Variants in MLPH observed in about 807,000 individuals in gnomAD.
MLPH encodes exophilin-3.
MLPH carries 51 observed loss-of-function variants against 72.1 expected under a neutral mutation model. The ratio of observed to expected loss-of-function variants is 0.71; its 90% CI spans 0.56 to 0.89. MLPH has a LOEUF of 0.89. MLPH is among the 40% of genes least tolerant of loss of function. The pLI is 0.00. For missense variants in MLPH, 743 were observed against 759.9 expected (o/e 0.98, Z 0.26); for synonymous variants, 301 against 310.1 (o/e 0.97, Z 0.31).
At chr2:237,497,864 G>A (rs753908649) in intron 2 of MLPH, among the ~76,000 whole-genome samples, 25 of 152,158 alleles carry the variant, frequency 1.6e-4, no homozygotes, top group Non-Finnish European at 3.4e-4. Flanking sequence ...CCCGGTCACC[G>A]AGTCTTAAAT....
rs147793341 is a variant in MLPH at position 237,511,818 on chromosome 2, G to A, written c.445+717G>A. Among the ~76,000 whole-genome samples the A allele has an allele frequency of 4.5e-4, 68 of 152,306 alleles. 1 individual carries two copies. In the South Asian group the frequency reaches 0.013, roughly 29 times the overall value. On this transcript the variant is annotated intron_variant, in intron 4 of 15. Coordinates refer to ENST00000264605, the MANE Select transcript of MLPH (RefSeq NM_024101.7). ...TAGGCTTAAACTAAACAATGTGTTC[G>A]CCTGTAAGATCCCCCATAAGGCATT... is the stretch of plus-strand genomic sequence containing the variant.
rs532922061 is a variant in MLPH, at chr2:237,512,484, A to T, written c.445+1383A>T. Among the ~76,000 whole-genome samples, 1 of 152,228 alleles carries T rather than the reference A, an allele frequency of 6.6e-6. No homozygotes were observed. The highest frequency in any genetic ancestry group is 1.5e-5 in the Non-Finnish European group (1 of 68,028). On this transcript the variant is annotated intron_variant, in intron 4 of 15. Transcript: ENST00000264605. The surrounding 1 kb of genome is among the most constrained non-coding windows in gnomAD (Gnocchi z 5.5). ...CAAACCAGGGCATTTTTAAGAGTAA[A>T]AGGAGGCTCTACTGATAACATGCTG...
Position 237,540,515 on chromosome 2 carries a change from C to T in MLPH, c.1272C>T (p.Leu424=), listed in dbSNP as rs771355627. Residue 424 remains leucine, a synonymous_variant, in exon 10 of 16, where the codon CTC becomes CTT. Coordinates refer to ENST00000264605, the MANE Select transcript of MLPH (RefSeq NM_024101.7). ...EPNRDKSVGP[L]PQADPEVGTA... ...ACAGGGACAAATCAGTTGGGCCTCT[C>T]CCCCAGGCGGACCCGGAGGTAAGAC... is the stretch of plus-strand genomic sequence containing the variant. 7 of 1,611,576 alleles carry T rather than the reference C, an allele frequency of 4.3e-6. No homozygotes were observed. In the East Asian group the frequency reaches 1.6e-4, roughly 36 times the overall value.
At chr2:237,501,155 T>C (rs757209320) in intron 2 of MLPH, among the ~76,000 whole-genome samples, 1 of 152,156 alleles carries the variant, frequency 6.6e-6, no homozygotes, top group Non-Finnish European at 1.5e-5. Context: ...GTCTTATCCC[T>C]GCCGGCATCT....
chr2:237,534,918 A>G (rs2080501312), intron 9 of MLPH, among the ~76,000 whole-genome samples: 2 of 152,164 alleles, frequency 1.3e-5, no homozygotes, highest in Admixed American at 1.3e-4. Context: ...CAGCCTTCCC[A>G]GGGGACATAA....
At position 237,503,445 on chromosome 2, in the gene MLPH, G is replaced by A. The variant is rs555843764; in HGVS notation, c.111-7129G>A. 6.6e-5 allele frequency among the ~76,000 whole-genome samples: 10 copies of A among 152,232 alleles called. No homozygotes were observed. The South Asian group carries it at 8.3e-4, about 13-fold the overall frequency. ...ACTTGAGTGAGTTTCCAGCTCCCTC[G>A]TGGTAATTCCCGACACGCGTTCCCA... is the stretch of plus-strand genomic sequence containing the variant. On this transcript the variant is annotated intron_variant, in intron 2 of 15. Transcript: ENST00000264605.
In MLPH at chr2:237,505,298, G is replaced by A. The variant is rs949607321; in HGVS notation, c.111-5276G>A. ...ACCCACCACTGAGACCCTGATCCCAGCCACATACCCACGTGCTGTGGCCTC... is the reference window on the plus strand; with the variant it reads ...ACCCACCACTGAGACCCTGATCCCAACCACATACCCACGTGCTGTGGCCTC... On this transcript the variant is annotated intron_variant, in intron 2 of 15. Transcript: ENST00000264605. The surrounding 1 kb of genome is among the most constrained non-coding windows in gnomAD (Gnocchi z 4.5). Among the ~76,000 whole-genome samples, 1 of 152,152 alleles carries A rather than the reference G, an allele frequency of 6.6e-6. No homozygotes were observed. Among genetic ancestry groups the A allele is most frequent in the Non-Finnish European group, 1.5e-5 (1 of 68,024 alleles).
In MLPH at chr2:237,518,521, TG is replaced by T; in HGVS notation, c.446-17del. On this transcript the variant is annotated splice_polypyrimidine_tract_variant and intron_variant, in intron 4 of 15. Transcript: ENST00000264605. ...GACTGTTTGTCCTTGGGTGGAGTCA[TG>T]CAGGTATCTATTGCAGCTGGGCCTG... 1 of 1,598,634 alleles carries T rather than the reference TG, an allele frequency of 6.3e-7. No individual in the cohort carries two copies. The highest frequency in any genetic ancestry group is 8.6e-7 in the Non-Finnish European group (1 of 1,169,000).
At chr2:237,515,186 T>C (rs1483601109) in intron 4 of MLPH, among the ~76,000 whole-genome samples, 1 of 152,162 alleles carries the variant, frequency 6.6e-6, no homozygotes, top group Non-Finnish European at 1.5e-5. Flanking sequence ...TAAGCTGGTG[T>C]GGACATCACG....
At chr2:237,521,945 C>T (rs1226155523) in intron 6 of MLPH, among the ~76,000 whole-genome samples, 3 of 89,418 alleles carry the variant, frequency 3.4e-5, no homozygotes, top group Admixed American at 1.0e-4. Context: ...AGGGCTGAGA[C>T]TGGGGTTGGG....
chr2:237,533,021 T>C (rs1276602348), intron 8 of MLPH, among the ~76,000 whole-genome samples: 1 of 152,154 alleles, frequency 6.6e-6, no homozygotes. Flanking sequence ...TCCTTACCAA[T>C]GAGAGGAGCT....
intron 9 of MLPH, among the ~76,000 whole-genome samples, chr2:237,536,069 G>A (rs1022318946): frequency 1.3e-5 from 2 of 152,172 alleles, no homozygotes; most frequent in South Asian, 2.1e-4. Flanking sequence ...TCCGCAGGAC[G>A]CTCCTTGTAG....
chr2:237,515,282 G>A (rs79785469), intron 4 of MLPH, among the ~76,000 whole-genome samples: 18,113 of 152,166 alleles, frequency 0.12, 1,280 homozygotes, highest in Non-Finnish European at 0.16. Flanking sequence ...AAGATGCGTC[G>A]GTGATTGATT....
intron 7 of MLPH, among the ~76,000 whole-genome samples, chr2:237,526,323 G>A (rs1414960357): frequency 2.6e-5 from 4 of 152,112 alleles, no homozygotes; most frequent in African/African-American, 4.8e-5. Context: ...CCATGGGTCC[G>A]AGAGTTCAGA....
At chr2:237,527,142 C>T (rs1327156074) in intron 7 of MLPH, among the ~76,000 whole-genome samples, 1 of 152,100 alleles carries the variant, frequency 6.6e-6, no homozygotes, top group African/African-American at 2.4e-5. Flanking sequence ...AAAGTATGTC[C>T]ACTCATAACC....
At chr2:237,513,199 G>A (rs1225902526) in intron 4 of MLPH, among the ~76,000 whole-genome samples, 1 of 152,196 alleles carries the variant, frequency 6.6e-6, no homozygotes, top group African/African-American at 2.4e-5. Flanking sequence ...CAGCTAGTAA[G>A]TGGGCCTCTG....
intron 2 of MLPH, among the ~76,000 whole-genome samples, chr2:237,498,965 G>A (rs1286199776): frequency 6.6e-6 from 1 of 151,966 alleles, no homozygotes; most frequent in African/African-American, 2.4e-5. Flanking sequence ...CCCTCTGCTT[G>A]TCCTGGGTGT....
In MLPH at chr2:237,541,039, C is replaced by G; in HGVS notation, c.1446+82C>G. 3.3e-6 allele frequency: 5 copies of G among 1,509,532 alleles called. No homozygotes were observed. The highest frequency in any genetic ancestry group is 4.5e-6 in the Non-Finnish European group (5 of 1,111,752). 93.5% of individuals were successfully genotyped at this position (1,509,532 alleles called of 1,614,324 possible). ...CCCAGGCCTTGAACATCTGCCAGCT[C>G]TAACATCCGCCAGCTCACACTGAGC... On this transcript the variant is annotated intron_variant, in intron 11 of 15. Transcript: ENST00000264605. The surrounding 1 kb of genome is among the most constrained non-coding windows in gnomAD (Gnocchi z 5.1).
Position 237,512,694 on chromosome 2 carries a change from A to G in MLPH, c.445+1593A>G, listed in dbSNP as rs1167769469. Among the ~76,000 whole-genome samples the G allele has an allele frequency of 6.6e-6, 1 of 152,154 alleles. No individual in the cohort carries two copies. Among genetic ancestry groups the G allele is most frequent in the Non-Finnish European group, 1.5e-5 (1 of 68,028 alleles). On this transcript the variant is annotated intron_variant, in intron 4 of 15. Transcript: ENST00000264605. The surrounding 1 kb of genome is among the most constrained non-coding windows in gnomAD (Gnocchi z 5.5). ...GCCAGTGGAGCTTGGTCCAGCCTCC[A>G]GTCCACCCCTAACAGGCTTAAGGAT...
Sources: gnomAD v4.1 joint callset for allele counts (sites outside exome capture counted in the v4.1 genomes callset) on GRCh38, gnomAD v4.1.1 for gene constraint, Gnocchi (gnomAD v3.1) non-coding constraint, MANE v1.5 for transcripts, NCBI Gene and HGNC (gene_info 2026-07-23, HGNC 2026-07-21) for gene names.